The following SEMA3A variants were observed in gnomAD, a reference collection of about 807,000 sequenced individuals.
The protein encoded by SEMA3A is semaphorin 3A, also known as semaphorin-3A.
In SEMA3A, 29 loss-of-function variants were observed where a neutral mutation model predicts 97.9. That is an observed-to-expected ratio of 0.30 (90% confidence interval 0.22 to 0.40). SEMA3A has a LOEUF of 0.40. Ranked by LOEUF, SEMA3A falls within the 10% of genes least tolerant of loss-of-function variation. SEMA3A has a pLI of 1.00. For missense variants in SEMA3A, 763 were observed against 951.3 expected (o/e 0.80, Z 2.60); for synonymous variants, 321 against 323.7 (o/e 0.99, Z 0.09).
intron 3 of SEMA3A, among the ~76,000 whole-genome samples, chr7:84,297,562 A>G (rs368057123): frequency 6.6e-6 from 1 of 152,176 alleles, no homozygotes; most frequent in Non-Finnish European, 1.5e-5. Context: ...CAGAATACCA[A>G]TCAAAATAAC....
At chr7:84,103,227 TCTTC>T (rs1277789557) in intron 4 of SEMA3A, among the ~76,000 whole-genome samples, 12 of 152,234 alleles carry the variant, frequency 7.9e-5, no homozygotes, top group African/African-American at 2.9e-4. Context: ...CACAGCAAAA[TCTTC>T]CTTCATACCA....
intron 2 of SEMA3A, among the ~76,000 whole-genome samples, chr7:84,359,172 T>C (rs1459023475): frequency 1.3e-5 from 2 of 152,142 alleles, no homozygotes; most frequent in Non-Finnish European, 2.9e-5. Flanking sequence ...CTTCCAACAC[T>C]ATGTTGAATA....
At chr7:84,080,071 G>C (rs1794097008) in intron 4 of SEMA3A, among the ~76,000 whole-genome samples, 1 of 143,950 alleles carries the variant, frequency 6.9e-6, no homozygotes, top group Non-Finnish European at 1.5e-5. Flanking sequence ...GATGAAATTG[G>C]AAATCATCAT....
intron 2 of SEMA3A, among the ~76,000 whole-genome samples, chr7:84,316,869 T>G (rs1801517917): frequency 6.6e-6 from 1 of 152,202 alleles, no homozygotes; most frequent in South Asian, 2.1e-4. Context: ...AAAACCTTTT[T>G]GCTGCTTCAC....
In SEMA3A at chr7:84,364,949, C is replaced by A. The variant is rs182205035; in HGVS notation, c.-169+6875G>T. Among the ~76,000 whole-genome samples the A allele has an allele frequency of 2.5e-3, 375 of 151,424 alleles. 4 individuals carry two copies. Among genetic ancestry groups the A allele is most frequent in the Non-Finnish European group, 3.5e-3 (238 of 67,654 alleles). On this transcript the variant is annotated intron_variant, in intron 2 of 3. Coordinates refer to the SEMA3A transcript ENST00000424555. ...GAATGCATCTGACCAAATAAAGGTA[C>A]AATTCTTGATCAAAGCTGCATGGTG...
chr7:84,303,822 T>C (rs117330687), intron 3 of SEMA3A, among the ~76,000 whole-genome samples: 4 of 152,304 alleles, frequency 2.6e-5, no homozygotes, highest in Non-Finnish European at 4.4e-5. Flanking sequence ...GCATACTTAA[T>C]GTAGTTTAGG....
At chr7:84,247,860 G>A (rs1041846980) in intron 3 of SEMA3A, among the ~76,000 whole-genome samples, 9 of 152,254 alleles carry the variant, frequency 5.9e-5, no homozygotes, top group Non-Finnish European at 1.3e-4. Flanking sequence ...ATGACTCAGT[G>A]TTTAGAAGGT....
At chr7:84,215,434 C>T (rs943061386) in intron 3 of SEMA3A, among the ~76,000 whole-genome samples, 7 of 152,040 alleles carry the variant, frequency 4.6e-5, no homozygotes, top group Non-Finnish European at 1.0e-4. Context: ...ATGATCCGCC[C>T]CCCCCTTGGC....
intron 16 of SEMA3A, among the ~76,000 whole-genome samples, chr7:83,962,187 C>T (rs1562941076): frequency 6.6e-6 from 1 of 151,762 alleles, no homozygotes; most frequent in Non-Finnish European, 1.5e-5. Flanking sequence ...AACTACAGAA[C>T]CATGATACTA....
At chr7:84,196,270 A>G (rs1174559794), upstream of SEMA3A, among the ~76,000 whole-genome samples, 1 of 152,156 alleles carries the variant, frequency 6.6e-6, no homozygotes, top group Non-Finnish European at 1.5e-5. Flanking sequence ...TCTTAAGAAA[A>G]TGATCTAAGC....
chr7:84,170,935 T>C (rs1289141562), intron 1 of SEMA3A, among the ~76,000 whole-genome samples: 2 of 152,084 alleles, frequency 1.3e-5, no homozygotes, highest in Non-Finnish European at 2.9e-5. Flanking sequence ...CTGGACCGTG[T>C]AAGAACTAGG....
chr7:83,981,389 G>T lies in SEMA3A; in HGVS notation c.1584C>A (p.Cys528Ter). The T allele has an allele frequency of 6.2e-7, 1 of 1,613,956 alleles. No individual in the cohort carries two copies. Among genetic ancestry groups the T allele is most frequent in the Non-Finnish European group, 8.5e-7 (1 of 1,179,914 alleles). The part of the protein sequence containing the change: ...DIYGKACAEC[C>*]LARDPYCAWD... ...AAGCACAGTAAGGGTCTCGGGCGAG[G>T]CAACACTCAGCACACGCTTTCCCGT... The change falls in exon 14 of 17, where the codon TGC becomes TGA. Residue 528 changes from cysteine to a stop codon, truncating the protein, a stop_gained. Transcript: ENST00000265362. LOFTEE classifies it high-confidence loss of function.
At chr7:84,299,832 C>A (rs1163472494) in intron 3 of SEMA3A, among the ~76,000 whole-genome samples, 2 of 116 alleles carry the variant, frequency 0.017, no homozygotes, top group Non-Finnish European at 0.037. Flanking sequence ...GAGTTTGAGA[C>A]CAGCCTGGCC....
chr7:84,419,393 T>C (rs961643106), intron 1 of SEMA3A, among the ~76,000 whole-genome samples: 8 of 152,018 alleles, frequency 5.3e-5, no homozygotes, highest in African/African-American at 1.7e-4. Flanking sequence ...ATTGTATACA[T>C]AAGGGACAGG....
chr7:84,470,873 A>T (rs1201975445), intron 1 of SEMA3A, among the ~76,000 whole-genome samples: 1 of 151,970 alleles, frequency 6.6e-6, no homozygotes, highest in Non-Finnish European at 1.5e-5. Flanking sequence ...ATCTTTTTTT[A>T]AATAATTGGA....
intron 3 of SEMA3A, among the ~76,000 whole-genome samples, chr7:84,239,696 C>A (rs1799315388): frequency 6.6e-6 from 1 of 152,036 alleles, no homozygotes; most frequent in Non-Finnish European, 1.5e-5. Flanking sequence ...ATAAAATGAT[C>A]TGATACACTA....
chr7:84,336,054 G>A (rs1802031234), intron 2 of SEMA3A, among the ~76,000 whole-genome samples: 2 of 152,074 alleles, frequency 1.3e-5, no homozygotes, highest in South Asian at 4.1e-4. Context: ...CTAGAGTGTA[G>A]CTAAAATCCA....
At chr7:83,991,222 G>A (rs2116349756) in intron 12 of SEMA3A, among the ~76,000 whole-genome samples, 1 of 152,034 alleles carries the variant, frequency 6.6e-6, no homozygotes, top group South Asian at 2.1e-4. Flanking sequence ...ATTTTGGGCT[G>A]AGACAATGGG....
At chr7:84,242,799 G>C (rs1799395510) in intron 3 of SEMA3A, among the ~76,000 whole-genome samples, 2 of 152,108 alleles carry the variant, frequency 1.3e-5, no homozygotes, top group African/African-American at 2.4e-5. Context: ...ATTATTTTGA[G>C]ATATGTTCTA....
Sources: allele counts gnomAD v4.1 joint callset (sites outside exome capture counted in the v4.1 genomes callset), GRCh38; gene constraint gnomAD v4.1.1; transcripts MANE v1.5; gene names NCBI Gene and HGNC (gene_info 2026-07-23, HGNC 2026-07-21).